The following IGSF3 variants were observed in gnomAD, a reference collection of about 807,000 sequenced individuals.
IGSF3 encodes immunoglobulin superfamily member 3, also known as glu-Trp-Ile EWI motif-containing protein 3.
A neutral mutation model predicts 114.4 loss-of-function variants in IGSF3; 23 were observed. The observed-to-expected ratio is 0.20, with a 90% confidence interval of 0.14 to 0.28. The LOEUF is 0.28. IGSF3 is among the 10% of genes least tolerant of loss of function. The pLI is 1.00. For synonymous variants in IGSF3, 571 were observed against 645.2 expected (o/e 0.88, Z 1.74); for missense variants, 1,172 against 1,591.5 (o/e 0.74, Z 4.48).
In IGSF3 at chr1:116,598,455, C is replaced by T. The variant is rs1160308156; in HGVS notation, c.2029+1486G>A. On this transcript the variant is annotated intron_variant, in intron 7 of 10. Coordinates refer to ENST00000369486, the MANE Select transcript of IGSF3 (RefSeq NM_001007237.3). This position sits in a 1 kb window ranked among gnomAD's most constrained non-coding sequence, Gnocchi z 4.3. Reference sequence around the variant, plus strand: ...CAGTCGAAGTTTAGGCTGTCATTGGCCAAGGGAACAGTCTCGTCATTTATA... The same window carrying T: ...CAGTCGAAGTTTAGGCTGTCATTGGTCAAGGGAACAGTCTCGTCATTTATA... Among the ~76,000 whole-genome samples, 1 of 152,178 alleles carries T rather than the reference C, an allele frequency of 6.6e-6. No individual in the cohort carries two copies. The highest frequency in any genetic ancestry group is 1.9e-4 in the East Asian group (1 of 5,196).
In IGSF3 at chr1:116,582,429, C is replaced by A. The variant is rs954178218; in HGVS notation, c.2848+2216G>T. On this transcript the variant is annotated intron_variant, in intron 9 of 10. Transcript: ENST00000369486. This position sits in a 1 kb window ranked among gnomAD's most constrained non-coding sequence, Gnocchi z 4.7. ...CCCCAGTTGTGTGAGCCCAACACAA[C>A]TACTAATCGACTCATCTGCAATCTT... 1.3e-5 allele frequency among the ~76,000 whole-genome samples: 2 copies of A among 152,226 alleles called. No individual in the cohort carries two copies. The highest frequency in any genetic ancestry group is 2.9e-5 in the Non-Finnish European group (2 of 68,048).
At chr1:116,637,687 C>G (rs1206105670) in intron 2 of IGSF3, among the ~76,000 whole-genome samples, 1 of 152,232 alleles carries the variant, frequency 6.6e-6, no homozygotes, top group Non-Finnish European at 1.5e-5. Flanking sequence ...CACTTTGCAG[C>G]TGGATTCAAA....
rs1340626438 is a variant in IGSF3, at chr1:116,603,007, T to C, written c.1624+617A>G. 6.6e-6 allele frequency among the ~76,000 whole-genome samples: 1 copy of C among 152,224 alleles called. No individual in the cohort carries two copies. Among genetic ancestry groups the C allele is most frequent in the African/African-American group, 2.4e-5 (1 of 41,456 alleles). On this transcript the variant is annotated intron_variant, in intron 6 of 10. Coordinates refer to ENST00000369486, the MANE Select transcript of IGSF3 (RefSeq NM_001007237.3). The surrounding 1 kb of genome is among the most constrained non-coding windows in gnomAD (Gnocchi z 7.1). ...GAAACTTCTAGCCTTAGGCAAAGTA[T>C]TTAATGTGTCTCAGTCTCAGTTTCC...
intron 8 of IGSF3, among the ~76,000 whole-genome samples, chr1:116,587,935 T>C (rs1257137621): frequency 6.6e-6 from 1 of 152,130 alleles, no homozygotes; most frequent in Non-Finnish European, 1.5e-5. Context: ...ATGTGAGAAG[T>C]TGAAAGGACT....
At chr1:116,611,561 T>C (rs1661024304) in intron 4 of IGSF3, among the ~76,000 whole-genome samples, 1 of 151,910 alleles carries the variant, frequency 6.6e-6, no homozygotes, top group African/African-American at 2.4e-5. Context: ...ATCACACACA[T>C]CTGGAACTCA....
At position 116,588,237 on chromosome 1, in the gene IGSF3, A is replaced by G. The variant is rs567434271; in HGVS notation, c.2440+457T>C. Among the ~76,000 whole-genome samples the G allele has an allele frequency of 6.6e-6, 1 of 152,100 alleles. No homozygotes were observed. The highest frequency in any genetic ancestry group is 2.1e-4 in the South Asian group (1 of 4,828). On this transcript the variant is annotated intron_variant, in intron 8 of 10. Coordinates refer to ENST00000369486, the MANE Select transcript of IGSF3 (RefSeq NM_001007237.3). This position sits in a 1 kb window ranked among gnomAD's most constrained non-coding sequence, Gnocchi z 4.9. ...GGAATGATTCAGTTTGGAGATAGGA[A>G]AGGCTTGTCTGGGCGGGCTGGGAGC... is the stretch of plus-strand genomic sequence containing the variant.
rs1431099300 is a variant in IGSF3 at position 116,664,467 on chromosome 1, T to C, written c.43+1817A>G. On this transcript the variant is annotated intron_variant, in intron 2 of 10. Transcript: ENST00000369486. This position sits in a 1 kb window ranked among gnomAD's most constrained non-coding sequence, Gnocchi z 4.6. ...GCCTTGTTTTCCCATTGATGGTTAC[T>C]TCTCCTGCCCTGGGCCCCACCCTGC... 6.6e-6 allele frequency among the ~76,000 whole-genome samples: 1 copy of C among 152,192 alleles called. No homozygotes were observed. The highest frequency in any genetic ancestry group is 2.4e-5 in the African/African-American group (1 of 41,450).
chr1:116,656,514 T>A (rs906928191), intron 2 of IGSF3, among the ~76,000 whole-genome samples: 5 of 152,044 alleles, frequency 3.3e-5, no homozygotes, highest in African/African-American at 1.2e-4. Context: ...ATGGTCTCAA[T>A]CTGCTGACCT....
In IGSF3 at chr1:116,577,372, G is replaced by A. The variant is rs1370706088; in HGVS notation, c.3525C>T (p.Asn1175=). Residue 1175 remains asparagine, a synonymous_variant, in exon 11 of 11, where the codon AAC becomes AAT. Coordinates refer to ENST00000369486, the MANE Select transcript of IGSF3 (RefSeq NM_001007237.3). This position sits in a 1 kb window ranked among gnomAD's most constrained non-coding sequence, Gnocchi z 5.7. ...PLLWIKEPHL[N]YSPTCLEPPV... Reference sequence around the variant, plus strand: ...GGGGCTCCAGGCAAGTAGGGGAGTAGTTGAGGTGTGGCTCTTTGATCCACA... The same window carrying A: ...GGGGCTCCAGGCAAGTAGGGGAGTAATTGAGGTGTGGCTCTTTGATCCACA... The A allele has an allele frequency of 4.3e-6, 7 of 1,614,166 alleles. No homozygotes were observed. Among genetic ancestry groups the A allele is most frequent in the Non-Finnish European group, 5.9e-6 (7 of 1,179,998 alleles).
intron 2 of IGSF3, among the ~76,000 whole-genome samples, chr1:116,639,888 G>C (rs1339964082): frequency 2.0e-5 from 3 of 152,012 alleles, no homozygotes; most frequent in Admixed American, 6.6e-5. Context: ...ACAAAAATTA[G>C]CTGGGCTTGG....
At chr1:116,606,461 TGTGA>T in intron 5 of IGSF3, 1 of 1,612,506 alleles carries the variant, frequency 6.2e-7, no homozygotes, top group Non-Finnish European at 8.5e-7. Flanking sequence ...CCATTACCGA[TGTGA>T]TTGTTGTTGT....
At position 116,612,972 on chromosome 1, in the gene IGSF3, C is replaced by A. The variant is rs1295314708; in HGVS notation, c.832+793G>T. On this transcript the variant is annotated intron_variant, in intron 4 of 10. Coordinates refer to ENST00000369486, the MANE Select transcript of IGSF3 (RefSeq NM_001007237.3). This position sits in a 1 kb window ranked among gnomAD's most constrained non-coding sequence, Gnocchi z 4.1. ...CCAGGGAGGGTTTCAGCTGGCTGTG[C>A]CACCATCATTTTGCCTCAGCTCTAA... Among the ~76,000 whole-genome samples, 1 of 152,202 alleles carries A rather than the reference C, an allele frequency of 6.6e-6. No individual in the cohort carries two copies. Among genetic ancestry groups the A allele is most frequent in the Non-Finnish European group, 1.5e-5 (1 of 68,046 alleles).
At position 116,579,666 on chromosome 1, in the gene IGSF3, G is replaced by A. The variant is rs647711; in HGVS notation, c.3060C>T (p.Asp1020=). 8 of 1,594,522 alleles carry A rather than the reference G, an allele frequency of 5.0e-6. No individual in the cohort carries two copies. Among genetic ancestry groups the A allele is most frequent in the East Asian group, 2.3e-5 (1 of 44,424 alleles). ...EEEREEEEEE[D]DDDDDDPTER... The stretch of plus-strand genomic sequence containing the variant: ...CTGTTGGGTCGTCGTCGTCGTCGTC[G>A]TCCTCCTCCTCCTCCTCCTCCCTTT... Residue 1020 remains aspartate (D), a synonymous_variant, in exon 10 of 11, where the codon GAC becomes GAT. Coordinates refer to ENST00000369486, the MANE Select transcript of IGSF3 (RefSeq NM_001007237.3). This position sits in a 1 kb window ranked among gnomAD's most constrained non-coding sequence, Gnocchi z 6.4.
chr1:116,581,640 C>T (rs1382801998), intron 9 of IGSF3, among the ~76,000 whole-genome samples: 1 of 152,178 alleles, frequency 6.6e-6, no homozygotes. Flanking sequence ...CCCTCTGCAC[C>T]CACCTCCTGC....
At position 116,614,132 on chromosome 1, in the gene IGSF3, C is replaced by T. The variant is rs767544282; in HGVS notation, c.465G>A (p.Leu155=). ...SLQTTAMPQT[L]HRVEQDPLEL... The stretch of plus-strand genomic sequence containing the variant: ...CCAGCGGGTCCTGCTCCACTCTGTG[C>T]AGAGTCTGGGGCATGGCAGTGGTCT... The change falls in exon 4 of 11, where the codon CTG becomes CTA. Residue 155 remains leucine (L), a synonymous_variant. Transcript: ENST00000369486. The surrounding 1 kb of genome is among the most constrained non-coding windows in gnomAD (Gnocchi z 4.5). 8 of 1,613,694 alleles carry T rather than the reference C, an allele frequency of 5.0e-6. No individual in the cohort carries two copies. Among genetic ancestry groups the T allele is most frequent in the Admixed American group, 1.7e-5 (1 of 60,020 alleles).
intron 2 of IGSF3, among the ~76,000 whole-genome samples, chr1:116,635,845 A>G (rs1647803217): frequency 6.6e-6 from 1 of 152,210 alleles, no homozygotes; most frequent in African/African-American, 2.4e-5. Context: ...TCATACTTTA[A>G]GGCCCAGCTC....
Position 116,637,012 on chromosome 1 carries a change from G to A in IGSF3, c.44-20555C>T, listed in dbSNP as rs184361103. On this transcript the variant is annotated intron_variant, in intron 2 of 10. Transcript: ENST00000369486. ...GGGGAGTACATTTGTAAGGAAGTTT[G>A]CCAGCAGATTCATTTACAAATCGAC... Among the ~76,000 whole-genome samples, 548 of 152,270 alleles carry A rather than the reference G, an allele frequency of 3.6e-3. 7 individuals are homozygous for A. Among genetic ancestry groups the A allele is most frequent in the Non-Finnish European group, 3.3e-3 (225 of 68,022 alleles).
rs1553207880 is a variant in IGSF3 at position 116,575,038 on chromosome 1, G to GAACTGAAATCTAAGATTTCA, written c.*2254_*2273dup. On this transcript the variant is annotated 3_prime_UTR_variant, in exon 11 of 11. Coordinates refer to ENST00000369486, the MANE Select transcript of IGSF3 (RefSeq NM_001007237.3). This position sits in a 1 kb window ranked among gnomAD's most constrained non-coding sequence, Gnocchi z 5.6. Reference sequence around the variant, plus strand: ...GCAGCACCTACTTCTTTATCGCCGTGAACTGAAATCTAAGATTTCAAACTG... The same window carrying GAACTGAAATCTAAGATTTCA: ...GCAGCACCTACTTCTTTATCGCCGTGAACTGAAATCTAAGATTTCAAACTGAAATCTAAGATTTCAAACTG... 4 of 152,414 alleles carry GAACTGAAATCTAAGATTTCA rather than the reference G, an allele frequency of 2.6e-5. No homozygotes were observed. Among genetic ancestry groups the GAACTGAAATCTAAGATTTCA allele is most frequent in the Non-Finnish European group, 5.9e-5 (4 of 68,010 alleles). 9.4% of individuals were successfully genotyped at this position (152,414 alleles called of 1,614,324 possible). A position where few individuals can be genotyped will look rare whatever the true frequency, so the allele number is the denominator to read the frequency against.
At chr1:116,586,967 A>G (rs756151343) in intron 8 of IGSF3, among the ~76,000 whole-genome samples, 6 of 150,962 alleles carry the variant, frequency 4.0e-5, no homozygotes, top group Non-Finnish European at 5.9e-5. Flanking sequence ...GCACCAGCAG[A>G]GGTTAGCAGA....
Sources: allele counts gnomAD v4.1 joint callset (sites outside exome capture counted in the v4.1 genomes callset), GRCh38; gene constraint gnomAD v4.1.1; non-coding constraint Gnocchi (gnomAD v3.1); transcripts MANE v1.5; gene names NCBI Gene and HGNC (gene_info 2026-07-23, HGNC 2026-07-21).